Variants in CPVL observed in about 807,000 individuals in gnomAD.
CPVL encodes carboxypeptidase vitellogenic like.
A neutral mutation model predicts 63.7 loss-of-function variants in CPVL; 51 were observed. That is an observed-to-expected ratio of 0.80 (90% CI 0.64 to 1.01). The LOEUF (loss-of-function observed/expected upper bound fraction) is 1.01. Among genes scored for constraint, CPVL ranks in the 50% least tolerant of loss-of-function variants. The pLI, the probability that CPVL is intolerant of heterozygous loss-of-function variation, is 0.00. For synonymous variants in CPVL, 195 were observed against 206.0 expected, an observed-to-expected ratio of 0.95 and a Z score of 0.46; for missense variants, 530 against 573.1, an observed-to-expected ratio of 0.92 and a Z score of 0.77.
At chr7:29,089,252 T>C (rs1377908827) in intron 6 of CPVL, among the ~76,000 whole-genome samples, 2 of 151,872 alleles carry the variant, frequency 1.3e-5, no homozygotes, top group Non-Finnish European at 2.9e-5. Context: ...TAAACAGAGA[T>C]TGGGTGGATG....
chr7:29,007,889 ATG>A (rs1785362932), intron 12 of CPVL, among the ~76,000 whole-genome samples: 1 of 152,236 alleles, frequency 6.6e-6, no homozygotes, highest in Non-Finnish European at 1.5e-5. Context: ...ACAAAAATAA[ATG>A]AATATTTTTA....
chr7:29,034,863 A>AC, intron 11 of CPVL, among the ~76,000 whole-genome samples: 1 of 151,046 alleles, frequency 6.6e-6, no homozygotes, highest in Admixed American at 6.6e-5. Context: ...GAAAAAAAAA[A>AC]AAAAAAGAAC....
At chr7:29,135,634 T>C (rs924048530) in intron 1 of CPVL, among the ~76,000 whole-genome samples, 4 of 152,124 alleles carry the variant, frequency 2.6e-5, no homozygotes, top group Admixed American at 2.6e-4. Flanking sequence ...GCCCAGCCTA[T>C]ATCAATCATG....
At position 29,030,727 on chromosome 7, in the gene CPVL, G is replaced by A. The variant is rs759525082; in HGVS notation, c.1170C>T (p.Ile390=). The A allele has an allele frequency of 9.9e-6, 16 of 1,611,906 alleles. No homozygotes were observed. The highest frequency in any genetic ancestry group is 1.4e-5 in the Non-Finnish European group (16 of 1,179,224). ...AGCGCTCTGTCAGGGCAGCTGCCAC[G>A]ATGATGTCCAGTTGGCCATTGTAGA... ...VLIYNGQLDI[I]VAAALTERSL... is the part of the protein sequence containing the mutation. Residue 390 remains isoleucine (I), a synonymous_variant, in exon 12 of 13, where the codon ATC becomes ATT. Transcript: ENST00000265394.
At chr7:29,183,101 T>C (rs1343985136) in intron 4 of CPVL, among the ~76,000 whole-genome samples, 4 of 100,714 alleles carry the variant, frequency 4.0e-5, no homozygotes, top group African/African-American at 1.6e-4. Flanking sequence ...TTTTTTTTTT[T>C]GAAACGGAGT....
intron 1 of CPVL, among the ~76,000 whole-genome samples, chr7:29,188,569 T>C (rs945417420): frequency 6.6e-6 from 1 of 152,146 alleles, no homozygotes; most frequent in African/African-American, 2.4e-5. Flanking sequence ...TGTTTTGTTA[T>C]TGAACGTATA....
At chr7:29,161,174 TG>T (rs1334335765) in intron 5 of CPVL, among the ~76,000 whole-genome samples, 6 of 152,280 alleles carry the variant, frequency 3.9e-5, no homozygotes, top group Non-Finnish European at 8.8e-5. Flanking sequence ...AAAACTGAAA[TG>T]TTTTCAACAT....
intron 5 of CPVL, among the ~76,000 whole-genome samples, chr7:29,173,753 A>G (rs1031247345): frequency 6.6e-6 from 1 of 150,908 alleles, no homozygotes; most frequent in Non-Finnish European, 1.5e-5. Context: ...CCTGTCCAAC[A>G]TGGTGAAACC....
At chr7:29,008,564 G>T (rs1184472799) in intron 12 of CPVL, among the ~76,000 whole-genome samples, 1 of 152,210 alleles carries the variant, frequency 6.6e-6, no homozygotes, top group Admixed American at 6.5e-5. Context: ...AATTTATAAT[G>T]TGGGATAGCC....
intron 1 of CPVL, among the ~76,000 whole-genome samples, chr7:29,144,556 CA>C (rs1562791094): frequency 6.6e-6 from 1 of 151,666 alleles, no homozygotes; most frequent in African/African-American, 2.4e-5. Context: ...ACTCTTGTCT[CA>C]AAAAAAGAAA....
At chr7:29,146,710 A>C, upstream of CPVL, 1 of 1,550,628 alleles carries the variant, frequency 6.4e-7, no homozygotes. Flanking sequence ...TGGAATCTTA[A>C]AAATTAATGA....
intron 11 of CPVL, among the ~76,000 whole-genome samples, chr7:29,048,665 A>G (rs1376995504): frequency 6.6e-6 from 1 of 152,102 alleles, no homozygotes; most frequent in Non-Finnish European, 1.5e-5. Context: ...GATTTAAACT[A>G]TACCTTGGAA....
chr7:29,187,656 A>T (rs2128750550), intron 1 of CPVL, among the ~76,000 whole-genome samples: 1 of 152,234 alleles, frequency 6.6e-6, no homozygotes, highest in East Asian at 1.9e-4. Flanking sequence ...TGAACCAGGG[A>T]GGCAGAGGTT....
At chr7:29,067,481 ACACCTACTC>A (rs1228757727) in intron 9 of CPVL, among the ~76,000 whole-genome samples, 1 of 152,122 alleles carries the variant, frequency 6.6e-6, no homozygotes, top group Non-Finnish European at 1.5e-5. Context: ...AGCAAGGAAG[ACACCTACTC>A]CACCTATGAA....
intron 12 of CPVL, among the ~76,000 whole-genome samples, chr7:29,022,096 AC>A (rs1266840163): frequency 2.0e-5 from 3 of 151,852 alleles, no homozygotes; most frequent in Non-Finnish European, 2.9e-5. Flanking sequence ...GCAAATCCTT[AC>A]CCCCCAGCAG....
chr7:29,131,910 C>A (rs1173104594), intron 1 of CPVL, among the ~76,000 whole-genome samples: 3 of 152,206 alleles, frequency 2.0e-5, no homozygotes, highest in Non-Finnish European at 2.9e-5. Flanking sequence ...CAGCAGCTGA[C>A]CTGGAACAGA....
intron 5 of CPVL, among the ~76,000 whole-genome samples, chr7:29,168,214 C>T (rs900098507): frequency 2.0e-5 from 3 of 152,054 alleles, no homozygotes; most frequent in African/African-American, 2.4e-5. Context: ...CATAAAATGT[C>T]GGTTTATTTG....
intron 5 of CPVL, among the ~76,000 whole-genome samples, chr7:29,177,533 C>T (rs1459641946): frequency 6.6e-6 from 1 of 151,294 alleles, no homozygotes; most frequent in Non-Finnish European, 1.5e-5. Flanking sequence ...GGATTACAGG[C>T]ATGACCCACC....
intron 5 of CPVL, among the ~76,000 whole-genome samples, chr7:29,165,768 C>G (rs1263153652): frequency 2.0e-5 from 3 of 152,026 alleles, no homozygotes; most frequent in Non-Finnish European, 4.4e-5. Context: ...GAATTTTTGT[C>G]ATATGCTTTT....
Sources: gnomAD v4.1 joint callset for allele counts (sites outside exome capture counted in the v4.1 genomes callset) on GRCh38, gnomAD v4.1.1 for gene constraint, MANE v1.5 for transcripts, NCBI Gene and HGNC (gene_info 2026-07-23, HGNC 2026-07-21) for gene names.